SMOC2: variants seen among roughly 807,000 people sequenced by gnomAD.
SMOC2 encodes SPARC-related modular calcium-binding protein 2.
Under a neutral mutation model 61.4 loss-of-function variants are expected in SMOC2, and 39 were observed. That is an observed-to-expected ratio of 0.64 (90% CI 0.49 to 0.83). The LOEUF is 0.83. SMOC2 is among the 40% of genes least tolerant of loss of function. The pLI is 0.00. For missense variants in SMOC2, 556 were observed against 592.9 expected, an observed-to-expected ratio of 0.94 and a Z score of 0.65; for synonymous variants, 247 against 239.9, an observed-to-expected ratio of 1.03 and a Z score of -0.27.
chr6:168,625,729 G>A (rs1191609578), intron 9 of SMOC2, among the ~76,000 whole-genome samples: 1 of 152,176 alleles, frequency 6.6e-6, no homozygotes. Context: ...TGGGCCCCAG[G>A]AGCAAATGAA....
chr6:168,546,250 TGAAA>T (rs1252105033), intron 5 of SMOC2, among the ~76,000 whole-genome samples: 1 of 53,776 alleles, frequency 1.9e-5, no homozygotes, highest in African/African-American at 8.5e-5. Flanking sequence ...CAAGCTTCAG[TGAAA>T]AAAAAAAAAA....
intron 1 of SMOC2, among the ~76,000 whole-genome samples, chr6:168,502,734 T>TA (rs1782761445): frequency 2.4e-5 from 3 of 123,436 alleles, no homozygotes; most frequent in South Asian, 5.7e-4. Context: ...TTTTTTATTT[T>TA]ATTTTAATTT....
intron 1 of SMOC2, among the ~76,000 whole-genome samples, chr6:168,477,055 G>T (rs1280604747): frequency 6.6e-6 from 1 of 152,160 alleles, no homozygotes; most frequent in Non-Finnish European, 1.5e-5. Context: ...ATACTTTTGA[G>T]TCCCAATTAA....
At chr6:168,525,902 T>C (rs1315066023) in intron 2 of SMOC2, among the ~76,000 whole-genome samples, 1 of 152,178 alleles carries the variant, frequency 6.6e-6, no homozygotes, top group Non-Finnish European at 1.5e-5. Context: ...AATGGTGGCA[T>C]CTAGCCCTGC....
At chr6:168,470,142 C>G (rs765369937) in intron 1 of SMOC2, among the ~76,000 whole-genome samples, 2 of 152,118 alleles carry the variant, frequency 1.3e-5, no homozygotes, top group Non-Finnish European at 2.9e-5. Flanking sequence ...AGGGCGGAGC[C>G]GGAACATGCT....
chr6:168,636,511 A>G (rs1034677493), intron 9 of SMOC2, among the ~76,000 whole-genome samples: 6 of 152,288 alleles, frequency 3.9e-5, no homozygotes, highest in African/African-American at 1.2e-4. Context: ...GTTGTTTTGG[A>G]TAGGCTTCTA....
intron 2 of SMOC2, among the ~76,000 whole-genome samples, 173 bp downstream of exon 2, chr6:168,510,259 CTTT>C (rs1338792313): frequency 6.6e-6 from 1 of 152,272 alleles, no homozygotes; most frequent in Admixed American, 6.5e-5. Context: ...TAAGAGCAGT[CTTT>C]TTTTACTTGT....
chr6:168,621,355 G>T (rs1786240294), intron 9 of SMOC2, among the ~76,000 whole-genome samples: 1 of 152,208 alleles, frequency 6.6e-6, no homozygotes, highest in African/African-American at 2.4e-5. Flanking sequence ...CCCAGTGTCA[G>T]ATTTCTGATT....
rs565053900 is a variant in SMOC2, at chr6:168,644,298, A to G, written c.908-6383A>G. 2.0e-5 allele frequency among the ~76,000 whole-genome samples: 3 copies of G among 152,314 alleles called. No individual in the cohort carries two copies. The East Asian group carries it at 5.8e-4, about 29-fold the overall frequency. ...CTTTTCTTCAGCGGGGCTGCCACTC[A>G]GAGGCTCAACATCTTCCCTGCTTTT... On this transcript the variant is annotated intron_variant, in intron 9 of 12. Coordinates refer to ENST00000356284, the MANE Select transcript of SMOC2 (RefSeq NM_001166412.2).
chr6:168,652,041 CAAAA>C (rs34341178), intron 10 of SMOC2, among the ~76,000 whole-genome samples: 3 of 129,068 alleles, frequency 2.3e-5, no homozygotes, highest in Non-Finnish European at 3.2e-5. Context: ...AACTCTGTCT[CAAAA>C]AAAAAAAAAA....
intron 1 of SMOC2, among the ~76,000 whole-genome samples, chr6:168,450,029 G>C (rs1444298376): frequency 6.7e-6 from 1 of 149,936 alleles, no homozygotes; most frequent in Non-Finnish European, 1.5e-5. Context: ...TCCTTGAGAT[G>C]TGCTTATCTA....
At chr6:168,463,014 T>C (rs1348282104) in intron 1 of SMOC2, among the ~76,000 whole-genome samples, 1 of 152,218 alleles carries the variant, frequency 6.6e-6, no homozygotes, top group Non-Finnish European at 1.5e-5. Context: ...GGCTCCCACA[T>C]TTGTTTGAGG....
At chr6:168,481,083 A>G (rs1274582000) in intron 1 of SMOC2, among the ~76,000 whole-genome samples, 1 of 152,204 alleles carries the variant, frequency 6.6e-6, no homozygotes, top group Non-Finnish European at 1.5e-5. Context: ...AAGAAATGCT[A>G]AAGGGAGTCC....
At chr6:168,568,295 T>C (rs1784589264) in intron 7 of SMOC2, among the ~76,000 whole-genome samples, 1 of 152,234 alleles carries the variant, frequency 6.6e-6, no homozygotes, top group South Asian at 2.1e-4. Context: ...ATTTTCTTTT[T>C]CACAGACTTT....
intron 9 of SMOC2, among the ~76,000 whole-genome samples, chr6:168,643,616 T>G (rs1341333610): frequency 6.6e-6 from 1 of 152,172 alleles, no homozygotes; most frequent in Non-Finnish European, 1.5e-5. Context: ...GGCAGGGGCC[T>G]TGTCTGCTGT....
intron 1 of SMOC2, among the ~76,000 whole-genome samples, chr6:168,469,589 G>A (rs72503838): frequency 6.6e-6 from 1 of 152,182 alleles, no homozygotes; most frequent in Non-Finnish European, 1.5e-5. Context: ...TCAAATCATC[G>A]TGCAAACCCA....
chr6:168,538,320 G>T (rs1302514996), intron 4 of SMOC2, among the ~76,000 whole-genome samples: 21 of 142,932 alleles, frequency 1.5e-4, no homozygotes, highest in Middle Eastern at 3.4e-3. Flanking sequence ...GCTGGAATGT[G>T]GGGGAGTGGG....
chr6:168,615,531 A>G (rs62423360), intron 9 of SMOC2, among the ~76,000 whole-genome samples: 9,680 of 102,314 alleles, frequency 0.095, 124 homozygotes, highest in Middle Eastern at 0.15. Context: ...TCATCTTCAT[A>G]CTTACAGCCG....
Position 168,560,520 on chromosome 6 carries a change from G to T in SMOC2, c.637+11317G>T, listed in dbSNP as rs10945515. On this transcript the variant is annotated intron_variant, in intron 7 of 12. Transcript: ENST00000356284. ...CCCTGAGATGTGAGGCTCTCACTGC[G>T]TTCTTGGAGGAGGTGTCATTTTCCT... Among the ~76,000 whole-genome samples the T allele has an allele frequency of 1.7e-3, 135 of 81,094 alleles. 4 individuals carry two copies. Among genetic ancestry groups the T allele is most frequent in the Non-Finnish European group, 3.2e-3 (116 of 36,754 alleles). 53.2% of individuals were successfully genotyped at this position (81,094 alleles called of 152,430 possible). A position where few individuals can be genotyped will look rare whatever the true frequency, so the allele number is the denominator to read the frequency against.
Sources: allele counts gnomAD v4.1 joint callset (sites outside exome capture counted in the v4.1 genomes callset), GRCh38; gene constraint gnomAD v4.1.1; transcripts MANE v1.5; gene names NCBI Gene and HGNC (gene_info 2026-07-23, HGNC 2026-07-21).